The following ZUP1 variants were observed in gnomAD, a reference collection of about 807,000 sequenced individuals.
ZUP1 encodes the protein zinc finger-containing ubiquitin peptidase 1.
A neutral mutation model predicts 68.1 loss-of-function variants in ZUP1; 55 were observed. The ratio of observed to expected loss-of-function variants is 0.81; its 90% CI spans 0.65 to 1.01. The LOEUF (loss-of-function observed/expected upper bound fraction) is 1.01, where lower values mean the gene tolerates loss of function less well. ZUP1 is among the 50% of genes least tolerant of loss of function. ZUP1 has a pLI of 0.00. For synonymous variants in ZUP1, 223 were observed against 221.5 expected, an observed-to-expected ratio of 1.01 and a Z score of -0.06; for missense variants, 684 against 674.9, an observed-to-expected ratio of 1.01 and a Z score of -0.15.
chr6:116,647,453 A>C lies in ZUP1; in HGVS notation c.1468+6T>G. ...ATTGTCAAATATGAGTTATATTAAT[A>C]CTAACCTTGATGCTGAAGATAGATA... On this transcript the variant is annotated splice_donor_region_variant and intron_variant, in intron 8 of 9. Coordinates refer to ENST00000368576, the MANE Select transcript of ZUP1 (RefSeq NM_145062.3). 1 of 1,545,858 alleles carries C rather than the reference A, an allele frequency of 6.5e-7. No individual in the cohort carries two copies. The highest frequency in any genetic ancestry group is 1.2e-5 in the South Asian group (1 of 80,318).
Position 116,658,024 on chromosome 6 carries a change from C to T in ZUP1, c.792+779G>A, listed in dbSNP as rs200945309. Among the ~76,000 whole-genome samples the T allele has an allele frequency of 3.0e-4, 46 of 152,232 alleles. No individual in the cohort carries two copies. The East Asian group carries it at 5.0e-3, about 17-fold the overall frequency. ...AGGAGAATCACTTGACCCTAGAAGG[C>T]GGAGGTTGCAGTGAACCAAGATTGC... On this transcript the variant is annotated intron_variant, in intron 4 of 9. Transcript: ENST00000368576.
At position 116,667,220 on chromosome 6, in the gene ZUP1, A is replaced by G. The variant is rs770397465; in HGVS notation, c.-15-13T>C. ...TATTGACAAGTAGCTAGAAAAGAAC[A>G]TAACATTAGGTTTCAAAGATTTGAA... On this transcript the variant is annotated splice_polypyrimidine_tract_variant and intron_variant, in intron 1 of 9. Transcript: ENST00000368576. 26 of 1,468,060 alleles carry G rather than the reference A, an allele frequency of 1.8e-5. No individual in the cohort carries two copies. Among genetic ancestry groups the G allele is most frequent in the South Asian group, 1.3e-4 (9 of 68,712 alleles). 90.9% of individuals were successfully genotyped at this position (1,468,060 alleles called of 1,614,324 possible). A position where few individuals can be genotyped will look rare whatever the true frequency, so the allele number is the denominator to read the frequency against.
At chr6:116,655,033 T>C (rs1776622727) in intron 5 of ZUP1, among the ~76,000 whole-genome samples, 1 of 151,998 alleles carries the variant, frequency 6.6e-6, no homozygotes, top group Non-Finnish European at 1.5e-5. Context: ...GACATGTTCA[T>C]AAATTATAAG....
chr6:116,666,822 G>T lies in ZUP1; in HGVS notation c.371C>A (p.Thr124Asn), dbSNP rs373897728. 106 of 1,612,894 alleles carry T rather than the reference G, an allele frequency of 6.6e-5. No homozygotes were observed. Among genetic ancestry groups the T allele is most frequent in the Non-Finnish European group, 8.7e-5 (103 of 1,179,724 alleles). The change falls in exon 2 of 10, where the codon ACT becomes AAT. Residue 124 changes from threonine (T) to asparagine (N), a missense_variant. Physicochemically the swap from Thr to Asn is moderately conservative, Grantham distance 65. Coordinates refer to ENST00000368576, the MANE Select transcript of ZUP1 (RefSeq NM_145062.3). ...ACTTTTCAGGAATTTTCTAGATTCA[G>T]TTAAGTTCTCTGAATAGAAGCCTTC... ...KHEGFYSENL[T>N]ESRKFLKSRE... is the part of the protein sequence containing the mutation.
Position 116,656,843 on chromosome 6 carries a change from C to T in ZUP1, c.802G>A (p.Gly268Ser). The T allele has an allele frequency of 6.3e-7, 1 of 1,594,742 alleles. No homozygotes were observed. Among genetic ancestry groups the T allele is most frequent in the Non-Finnish European group, 8.6e-7 (1 of 1,169,514 alleles). ...TTGTATCCTCCAGAATTATCTAAAC[C>T]ATATTGTCTCTATTGAACATAAAAA... ...EEFQKLQRQY[G>S]LDNSGGYKQQ... is the part of the protein sequence containing the mutation. The change falls in exon 5 of 10, where the codon GGT (glycine) becomes AGT (serine). Residue 268 changes from glycine to serine, a missense_variant. By Grantham distance (56) the Gly-to-Ser change is moderately conservative. Transcript: ENST00000368576.
chr6:116,643,733 C>G (rs1017111733), intron 9 of ZUP1, among the ~76,000 whole-genome samples: 3 of 152,132 alleles, frequency 2.0e-5, no homozygotes, highest in African/African-American at 7.2e-5. Context: ...ACCATAAAAA[C>G]CCTAGAAGAA....
chr6:116,667,717 TAAAG>T (rs1777053690), intron 1 of ZUP1, among the ~76,000 whole-genome samples: 2 of 152,172 alleles, frequency 1.3e-5, no homozygotes, highest in African/African-American at 4.8e-5. Context: ...GCTCTACACA[TAAAG>T]AAATTCTGGC....
At position 116,660,673 on chromosome 6, in the gene ZUP1, T is replaced by C. The variant is rs923350576; in HGVS notation, c.670+63A>G. 3.5e-6 allele frequency: 3 copies of C among 863,914 alleles called. No individual in the cohort carries two copies. In the African/African-American group the frequency reaches 5.4e-5, roughly 15 times the overall value. 53.5% of individuals were successfully genotyped at this position (863,914 alleles called of 1,614,324 possible). A position where few individuals can be genotyped will look rare whatever the true frequency, so the allele number is the denominator to read the frequency against. ...TTTTCCATATCACAAATCTAAAAATTAGATATGTGTCCTAGAAAGTAGAAA... is the reference window on the plus strand; with the variant it reads ...TTTTCCATATCACAAATCTAAAAATCAGATATGTGTCCTAGAAAGTAGAAA... On this transcript the variant is annotated intron_variant, in intron 3 of 9. Transcript: ENST00000368576.
intron 9 of ZUP1, among the ~76,000 whole-genome samples, chr6:116,643,637 G>A (rs1776193600): frequency 6.6e-6 from 1 of 152,200 alleles, no homozygotes; most frequent in Non-Finnish European, 1.5e-5. Flanking sequence ...CTGGCCATAT[G>A]TAGAAAGCTG....
Position 116,645,780 on chromosome 6 carries a change from T to TC in ZUP1, c.1622dup (p.Asn542LysfsTer5). On this transcript the variant is annotated frameshift_variant, in exon 9 of 10. Coordinates refer to ENST00000368576, the MANE Select transcript of ZUP1 (RefSeq NM_145062.3). LOFTEE classifies it high-confidence loss of function. ...TCTGGTATTGCTTATGTTTTAAATTTCCCATAGATTTCCGAAGTTGCTTGA... is the reference window on the plus strand; with the variant it reads ...TCTGGTATTGCTTATGTTTTAAATTTCCCCATAGATTTCCGAAGTTGCTTGA... 1 of 1,613,930 alleles carries TC rather than the reference T, an allele frequency of 6.2e-7. No homozygotes were observed. Among genetic ancestry groups the TC allele is most frequent in the Middle Eastern group, 1.7e-4 (1 of 6,058 alleles).
intron 5 of ZUP1, among the ~76,000 whole-genome samples, chr6:116,656,126 C>A (rs1776655499): frequency 6.6e-6 from 1 of 151,578 alleles, no homozygotes; most frequent in African/African-American, 2.4e-5. Flanking sequence ...GTTGCCCAGG[C>A]TGGAGTGCAA....
At chr6:116,643,974 A>G (rs1482098550) in intron 9 of ZUP1, among the ~76,000 whole-genome samples, 2 of 152,174 alleles carry the variant, frequency 1.3e-5, no homozygotes, top group African/African-American at 4.8e-5. Context: ...TCTACAATGA[A>G]CTCAAACAAA....
At chr6:116,646,844 AG>A (rs1208114891) in intron 8 of ZUP1, among the ~76,000 whole-genome samples, 1 of 152,146 alleles carries the variant, frequency 6.6e-6, no homozygotes, top group Admixed American at 6.5e-5. Flanking sequence ...TGAAAGTGCT[AG>A]GATTACAGGC....
At chr6:116,663,626 G>T (rs928476122) in intron 2 of ZUP1, among the ~76,000 whole-genome samples, 1 of 152,086 alleles carries the variant, frequency 6.6e-6, no homozygotes, top group Non-Finnish European at 1.5e-5. Flanking sequence ...ATACTCAAGG[G>T]AATTAATGTA....
chr6:116,656,604 G>A (rs1583374408), intron 5 of ZUP1, 80 bp downstream of exon 5: 2 of 1,174,048 alleles, frequency 1.7e-6, no homozygotes, highest in South Asian at 3.1e-5. Context: ...TGAAAATTAA[G>A]CAAAATTAAA....
chr6:116,647,246 C>T (rs190799912), intron 8 of ZUP1, among the ~76,000 whole-genome samples: 6 of 152,244 alleles, frequency 3.9e-5, no homozygotes, highest in Admixed American at 3.9e-4. Context: ...GTAATCCCAG[C>T]TACTCAGGAG....
intron 2 of ZUP1, among the ~76,000 whole-genome samples, chr6:116,662,833 C>G (rs1468907174): frequency 6.6e-6 from 1 of 152,158 alleles, no homozygotes; most frequent in Non-Finnish European, 1.5e-5. Context: ...TTTTAAGCCC[C>G]ATTTTTGTAA....
intron 7 of ZUP1, among the ~76,000 whole-genome samples, chr6:116,649,132 C>G (rs1029764373): frequency 1.3e-5 from 2 of 151,760 alleles, no homozygotes; most frequent in Non-Finnish European, 2.9e-5. Flanking sequence ...TTAAATAATT[C>G]AAGAAAGTTA....
chr6:116,645,902 TC>T lies in ZUP1; in HGVS notation c.1500del (p.Asn503ThrfsTer7). ...AGTAAGCATAATGTTCGGTTTTTTT[TC>T]TCTTCAATTCCAATAACAGTTCGAC... ...GHSRTVIGIE[E>X]KKNRTLCLLI... On this transcript the variant is annotated frameshift_variant, in exon 9 of 10. Transcript: ENST00000368576. LOFTEE classifies it high-confidence loss of function. 2 of 1,613,454 alleles carry T rather than the reference TC, an allele frequency of 1.2e-6. No homozygotes were observed. The highest frequency in any genetic ancestry group is 1.7e-6 in the Non-Finnish European group (2 of 1,179,844).
Sources: allele counts gnomAD v4.1 joint callset (sites outside exome capture counted in the v4.1 genomes callset), GRCh38; gene constraint gnomAD v4.1.1; transcripts MANE v1.5; gene names NCBI Gene and HGNC (gene_info 2026-07-23, HGNC 2026-07-21).